Variants in OR56A1 observed in about 807,000 individuals in gnomAD.
The protein encoded by OR56A1 is olfactory receptor family 56 subfamily A member 1, also known as olfactory receptor 56A1.
For synonymous variants in OR56A1, 174 were observed against 159.1 expected (o/e 1.09, Z -0.70); for missense variants, 360 against 380.9 (o/e 0.94, Z 0.46).
upstream of OR56A1, among the ~76,000 whole-genome samples, chr11:6,033,016 AT>A (rs1848527207): frequency 1.3e-5 from 2 of 152,032 alleles, no homozygotes; most frequent in African/African-American, 4.8e-5. Flanking sequence ...CTTTTCTAGC[AT>A]TGTTTGACAT....
At position 6,020,918 on chromosome 11, in the gene OR56A1, A is replaced by G. The variant is rs1203435311; in HGVS notation, c.*5830T>C. On this transcript the variant is annotated 3_prime_UTR_variant, in exon 2 of 2. Coordinates refer to ENST00000641900, the MANE Select transcript of OR56A1 (RefSeq NM_001388488.1). ...AGGGGAATGCTTCCATCTTTTGCCC[A>G]TTTTGGAGGTCAAAAGTTAAGAGAA... 3 of 152,070 alleles carry G rather than the reference A, an allele frequency of 2.0e-5. No individual in the cohort carries two copies. Among genetic ancestry groups the G allele is most frequent in the African/African-American group, 4.8e-5 (2 of 41,422 alleles). The allele number at this position is 152,070 out of a possible 1,614,324, so 9.4% of individuals were successfully genotyped here. A position where few individuals can be genotyped will look rare whatever the true frequency, so the allele number is the denominator to read the frequency against.
rs542807391 is a variant in OR56A1, at chr11:6,025,686, T to A, written c.*1062A>T. The A allele has an allele frequency of 6.6e-6, 1 of 152,232 alleles. No individual in the cohort carries two copies. Among genetic ancestry groups the A allele is most frequent in the Non-Finnish European group, 1.5e-5 (1 of 68,044 alleles). The allele number at this position is 152,232 out of a possible 1,614,324, so 9.4% of individuals were successfully genotyped here. On this transcript the variant is annotated 3_prime_UTR_variant, in exon 2 of 2. Coordinates refer to ENST00000641900, the MANE Select transcript of OR56A1 (RefSeq NM_001388488.1). Reference sequence around the variant, plus strand: ...ATTAGGGACAGCATCCTTCCTCAGATATCTGAGATCCAGTTCTATGGGCCA... The same window carrying A: ...ATTAGGGACAGCATCCTTCCTCAGAAATCTGAGATCCAGTTCTATGGGCCA...
chr11:6,030,251 G>T (rs1052889787), intron 1 of OR56A1, among the ~76,000 whole-genome samples: 7 of 152,076 alleles, frequency 4.6e-5, no homozygotes, highest in African/African-American at 1.7e-4. Context: ...TGAAATCAAG[G>T]AAATGTTTTT....
At position 6,019,341 on chromosome 11, in the gene OR56A1, C is replaced by T. The variant is rs980616221; in HGVS notation, c.*7407G>A. 3.9e-5 allele frequency: 6 copies of T among 152,088 alleles called. No homozygotes were observed. Among genetic ancestry groups the T allele is most frequent in the African/African-American group, 1.4e-4 (6 of 41,412 alleles). The allele number at this position is 152,088 out of a possible 1,614,324, so 9.4% of individuals were successfully genotyped here. On this transcript the variant is annotated 3_prime_UTR_variant, in exon 2 of 2. Coordinates refer to ENST00000641900, the MANE Select transcript of OR56A1 (RefSeq NM_001388488.1). Reference sequence around the variant, plus strand: ...TACATCATAACCAAGTGGGATTTATCCCAGGAATGCAAAAATGGTTCAACG... The same window carrying T: ...TACATCATAACCAAGTGGGATTTATTCCAGGAATGCAAAAATGGTTCAACG...
At chr11:6,031,500 A>C (rs1185434362), upstream of OR56A1, among the ~76,000 whole-genome samples, 1 of 152,200 alleles carries the variant, frequency 6.6e-6, no homozygotes, top group Admixed American at 6.5e-5. Flanking sequence ...AGTGACGTGC[A>C]ACTGAACAAA....
Position 6,022,479 on chromosome 11 carries a change from A to G in OR56A1, c.*4269T>C, listed in dbSNP as rs1040677726. 1 of 152,144 alleles carries G rather than the reference A, an allele frequency of 6.6e-6. No homozygotes were observed. The highest frequency in any genetic ancestry group is 1.5e-5 in the Non-Finnish European group (1 of 68,012). 9.4% of individuals were successfully genotyped at this position (152,144 alleles called of 1,614,324 possible). On this transcript the variant is annotated 3_prime_UTR_variant, in exon 2 of 2. Coordinates refer to ENST00000641900, the MANE Select transcript of OR56A1 (RefSeq NM_001388488.1). ...AACTTTAATTGCATTGACTAATTCA[A>G]TGCGTGTGGGTTTTTAGTGTACTCT...
rs1411640359 is a variant in OR56A1, at chr11:6,019,797, G to A, written c.*6951C>T. 1 of 152,082 alleles carries A rather than the reference G, an allele frequency of 6.6e-6. No individual in the cohort carries two copies. The highest frequency in any genetic ancestry group is 2.4e-5 in the African/African-American group (1 of 41,418). 9.4% of individuals were successfully genotyped at this position (152,082 alleles called of 1,614,324 possible). A position where few individuals can be genotyped will look rare whatever the true frequency, so the allele number is the denominator to read the frequency against. On this transcript the variant is annotated 3_prime_UTR_variant, in exon 2 of 2. Coordinates refer to ENST00000641900, the MANE Select transcript of OR56A1 (RefSeq NM_001388488.1). ...AGTTCTCATTAAGCCAAAAGTGAAT[G>A]TCAGAAGGCTTTTTCTCAAAAGCAT...
chr11:6,029,790 C>G (rs566989821), intron 1 of OR56A1, among the ~76,000 whole-genome samples: 1 of 152,128 alleles, frequency 6.6e-6, no homozygotes, highest in Non-Finnish European at 1.5e-5. Flanking sequence ...CTCTGATATT[C>G]TGTTTTCCCT....
upstream of OR56A1, among the ~76,000 whole-genome samples, chr11:6,032,751 C>G (rs949208785): frequency 6.6e-6 from 1 of 152,088 alleles, no homozygotes; most frequent in African/African-American, 2.4e-5. Context: ...AAGATTCACC[C>G]ACTTACTTGA....
chr11:6,027,141 G>T lies in OR56A1; in HGVS notation c.552C>A (p.Asn184Lys), dbSNP rs145985644. 2 of 1,614,216 alleles carry T rather than the reference G, an allele frequency of 1.2e-6. No individual in the cohort carries two copies. Among genetic ancestry groups the T allele is most frequent in the East Asian group, 2.2e-5 (1 of 44,886 alleles). ...ENVIENCICA[N>K]LSVSRLSCDN... The stretch of plus-strand genomic sequence containing the variant: ...CACAGGAGAGCCTGGACACAGACAA[G>T]TTGGCACAGATGCAGTTCTCAATGA... The change falls in exon 2 of 2, where the codon AAC (asparagine) becomes AAA (lysine). Residue 184 changes from asparagine (N) to lysine (K), a missense_variant. By Grantham distance (94) the Asn-to-Lys change is moderately conservative (BLOSUM62 0). Transcript: ENST00000641900.
At chr11:6,032,603 T>C (rs1848523166), upstream of OR56A1, among the ~76,000 whole-genome samples, 3 of 152,124 alleles carry the variant, frequency 2.0e-5, no homozygotes, top group South Asian at 6.2e-4. Context: ...TTCAGTGGGC[T>C]GAGGGGCAGT....
rs891484301 is a variant in OR56A1 at position 6,024,050 on chromosome 11, G to C, written c.*2698C>G. 3.3e-5 allele frequency: 5 copies of C among 152,204 alleles called. No individual in the cohort carries two copies. The highest frequency in any genetic ancestry group is 7.3e-5 in the Non-Finnish European group (5 of 68,040). 9.4% of individuals were successfully genotyped at this position (152,204 alleles called of 1,614,324 possible). On this transcript the variant is annotated 3_prime_UTR_variant, in exon 2 of 2. Coordinates refer to ENST00000641900, the MANE Select transcript of OR56A1 (RefSeq NM_001388488.1). The stretch of plus-strand genomic sequence containing the variant: ...CCTCTATACTTAGAACCAGAGCAGA[G>C]AGCCAACTTTTCAAGTATGTGGTTT...
At chr11:6,032,532 G>T (rs528091659), upstream of OR56A1, among the ~76,000 whole-genome samples, 2 of 152,284 alleles carry the variant, frequency 1.3e-5, no homozygotes, top group South Asian at 4.2e-4. Flanking sequence ...ACTGGCCCTG[G>T]TGTTTAACAT....
chr11:6,028,466 T>C (rs1848479615), intron 1 of OR56A1, among the ~76,000 whole-genome samples: 1 of 152,124 alleles, frequency 6.6e-6, no homozygotes, highest in Non-Finnish European at 1.5e-5. Context: ...AACCTGAAAC[T>C]CTACTTCTTT....
chr11:6,022,383 T>A lies in OR56A1; in HGVS notation c.*4365A>T, dbSNP rs1333117665. 6.6e-6 allele frequency: 1 copy of A among 152,136 alleles called. No homozygotes were observed. Among genetic ancestry groups the A allele is most frequent in the South Asian group, 2.1e-4 (1 of 4,836 alleles). The allele number at this position is 152,136 out of a possible 1,614,324, so 9.4% of individuals were successfully genotyped here. A position where few individuals can be genotyped will look rare whatever the true frequency, so the allele number is the denominator to read the frequency against. ...TGATGTGGAGCAAAGCCCTCATGCA[T>A]TGGAATGAGGTGTGGGTGAGAAGTA... On this transcript the variant is annotated 3_prime_UTR_variant, in exon 2 of 2. Transcript: ENST00000641900.
Position 6,021,849 on chromosome 11 carries a change from T to C in OR56A1, c.*4899A>G, listed in dbSNP as rs1429176974. ...TCCCCCTCTCAGTAAGTAAAAATAT[T>C]GCAATATCTGCTCCTAAAGCATTCT... On this transcript the variant is annotated 3_prime_UTR_variant, in exon 2 of 2. Transcript: ENST00000641900. 2.6e-5 allele frequency: 4 copies of C among 152,158 alleles called. No individual in the cohort carries two copies. The highest frequency in any genetic ancestry group is 3.8e-4 in the East Asian group (2 of 5,196). The allele number at this position is 152,158 out of a possible 1,614,324, so 9.4% of individuals were successfully genotyped here.
chr11:6,029,825 ATG>A (rs1042871578), intron 1 of OR56A1, among the ~76,000 whole-genome samples: 5 of 151,984 alleles, frequency 3.3e-5, no homozygotes, highest in African/African-American at 1.2e-4. Flanking sequence ...TATCTTGTCT[ATG>A]TCATTAGACA....
rs927002133 is a variant in OR56A1, at chr11:6,025,184, T to C, written c.*1564A>G. Reference sequence around the variant, plus strand: ...TAATTCCCTGGTAGGAACAGTGCACTGCAGGGTGATGTTATAGGTGCTCCT... The same window carrying C: ...TAATTCCCTGGTAGGAACAGTGCACCGCAGGGTGATGTTATAGGTGCTCCT... On this transcript the variant is annotated 3_prime_UTR_variant, in exon 2 of 2. Coordinates refer to ENST00000641900, the MANE Select transcript of OR56A1 (RefSeq NM_001388488.1). 6.6e-6 allele frequency: 1 copy of C among 152,236 alleles called. No homozygotes were observed. The highest frequency in any genetic ancestry group is 1.5e-5 in the Non-Finnish European group (1 of 68,070). The allele number at this position is 152,236 out of a possible 1,614,324, so 9.4% of individuals were successfully genotyped here.
At chr11:6,032,727 C>G (rs1401106448), upstream of OR56A1, among the ~76,000 whole-genome samples, 6 of 152,102 alleles carry the variant, frequency 3.9e-5, no homozygotes, top group Admixed American at 3.9e-4. Context: ...TGCCACTGCT[C>G]ACAGGTGCCC....
Sources: gnomAD v4.1 joint callset for allele counts (sites outside exome capture counted in the v4.1 genomes callset) on GRCh38, gnomAD v4.1.1 for gene constraint, MANE v1.5 for transcripts, NCBI Gene and HGNC (gene_info 2026-07-23, HGNC 2026-07-21) for gene names.